The following PPP2R2B variants were observed in gnomAD, a reference collection of about 807,000 sequenced individuals.
The protein encoded by PPP2R2B is protein phosphatase 2 regulatory subunit Bbeta.
A neutral mutation model predicts 46.0 loss-of-function variants in PPP2R2B; 5 were observed. That is an observed-to-expected ratio of 0.11 (90% confidence interval 0.06 to 0.23). The LOEUF (loss-of-function observed/expected upper bound fraction) is 0.23, where lower values mean the gene tolerates loss of function less well. Ranked by LOEUF, PPP2R2B falls within the 10% of genes least tolerant of loss-of-function variation. PPP2R2B has a pLI of 1.00. For missense variants in PPP2R2B, 367 were observed against 575.0 expected (o/e 0.64, Z 3.70); for synonymous variants, 215 against 206.7 (o/e 1.04, Z -0.34).
At chr5:146,955,408 A>C (rs1751845994) in intron 1 of PPP2R2B, among the ~76,000 whole-genome samples, 1 of 152,206 alleles carries the variant, frequency 6.6e-6, no homozygotes, top group Admixed American at 6.5e-5. Context: ...TTTGAGTAGC[A>C]AGTAAATAGG....
intron 2 of PPP2R2B, among the ~76,000 whole-genome samples, chr5:146,714,505 A>G (rs1354032664): frequency 6.6e-6 from 1 of 152,170 alleles, no homozygotes; most frequent in Non-Finnish European, 1.5e-5. Flanking sequence ...TCCAACTGCC[A>G]GGAAAAAAAT....
intron 2 of PPP2R2B, among the ~76,000 whole-genome samples, chr5:146,873,833 C>G (rs1295586109): frequency 6.6e-6 from 1 of 152,162 alleles, no homozygotes; most frequent in African/African-American, 2.4e-5. Flanking sequence ...CCATCCCTCT[C>G]TCTTAGCATT....
At chr5:146,635,922 G>A (rs1455585843) in intron 7 of PPP2R2B, among the ~76,000 whole-genome samples, 4 of 152,164 alleles carry the variant, frequency 2.6e-5, no homozygotes, top group Admixed American at 2.0e-4. Flanking sequence ...TTCATATCAC[G>A]TCCATGTATG....
intron 2 of PPP2R2B, among the ~76,000 whole-genome samples, chr5:146,858,356 A>G (rs1760795868): frequency 6.6e-6 from 1 of 152,128 alleles, no homozygotes; most frequent in African/African-American, 2.4e-5. Flanking sequence ...AAAACAACCA[A>G]CTACTCACTG....
At chr5:146,911,088 C>CTT (rs1554075565) in intron 1 of PPP2R2B, among the ~76,000 whole-genome samples, 1 of 142,168 alleles carries the variant, frequency 7.0e-6, no homozygotes. Context: ...TAGACACTTT[C>CTT]TTTTTTTTTT....
chr5:146,664,089 C>T (rs908468919), intron 5 of PPP2R2B, among the ~76,000 whole-genome samples: 2 of 152,116 alleles, frequency 1.3e-5, no homozygotes, highest in Non-Finnish European at 2.9e-5. Flanking sequence ...ATCCACCCAC[C>T]TTGGACTCCC....
intron 2 of PPP2R2B, among the ~76,000 whole-genome samples, chr5:146,822,939 G>T (rs1275833750): frequency 6.6e-6 from 1 of 152,172 alleles, no homozygotes; most frequent in Admixed American, 6.5e-5. Flanking sequence ...GTAGGAAGAA[G>T]TGAGCAAATT....
intron 7 of PPP2R2B, among the ~76,000 whole-genome samples, chr5:146,624,506 A>G (rs1773909541): frequency 6.6e-6 from 1 of 152,134 alleles, no homozygotes; most frequent in Admixed American, 6.5e-5. Context: ...TCACCATCTT[A>G]GTCTAAGCCA....
At chr5:146,670,852 G>C (rs1002726146) in intron 5 of PPP2R2B, among the ~76,000 whole-genome samples, 1 of 151,872 alleles carries the variant, frequency 6.6e-6, no homozygotes, top group African/African-American at 2.4e-5. Flanking sequence ...ATTTTGATAG[G>C]GAACTTTACA....
intron 2 of PPP2R2B, among the ~76,000 whole-genome samples, chr5:146,746,173 C>T (rs558762750): frequency 6.6e-6 from 1 of 152,066 alleles, no homozygotes; most frequent in South Asian, 2.1e-4. Context: ...GGCTGGGGAC[C>T]CAGAGAACGG....
At chr5:146,993,299 G>C (rs376677970) in intron 1 of PPP2R2B, among the ~76,000 whole-genome samples, 4 of 151,420 alleles carry the variant, frequency 2.6e-5, no homozygotes, top group African/African-American at 9.7e-5. Context: ...CTAGAGTGCA[G>C]TGACACCATG....
In PPP2R2B at chr5:146,793,881, A is replaced by G. The variant is rs369679387; in HGVS notation, c.70+84121T>C. ...AAGGTAAGGGCTGAGGTATCTAAAC[A>G]CAGGGAGACCAGTTTGCTCAGTGGT... is the stretch of plus-strand genomic sequence containing the variant. On this transcript the variant is annotated intron_variant, in intron 2 of 9. Coordinates refer to ENST00000394411, the MANE Select transcript of PPP2R2B (RefSeq NM_181675.4). 1.6e-3 allele frequency among the ~76,000 whole-genome samples: 246 copies of G among 152,348 alleles called. 1 individual carries two copies. The highest frequency in any genetic ancestry group is 5.5e-3 in the African/African-American group (229 of 41,584).
intron 7 of PPP2R2B, among the ~76,000 whole-genome samples, chr5:146,637,675 A>C (rs1421836623): frequency 6.6e-6 from 1 of 152,242 alleles, no homozygotes; most frequent in Non-Finnish European, 1.5e-5. Flanking sequence ...TCATTATGAC[A>C]TGGCTCTGGC....
At chr5:146,823,361 C>T (rs1219584079) in intron 2 of PPP2R2B, among the ~76,000 whole-genome samples, 2 of 152,028 alleles carry the variant, frequency 1.3e-5, no homozygotes, top group African/African-American at 4.8e-5. Flanking sequence ...CAAGGCCCGC[C>T]TAATTTTTTT....
intron 1 of PPP2R2B, among the ~76,000 whole-genome samples, chr5:146,924,695 T>C (rs1199224209): frequency 6.6e-6 from 1 of 152,200 alleles, no homozygotes; most frequent in Non-Finnish European, 1.5e-5. Context: ...ACTTTTTGAA[T>C]AAGGGACCAT....
intron 6 of PPP2R2B, among the ~76,000 whole-genome samples, chr5:146,644,119 C>CA (rs1359638124): frequency 1.3e-4 from 20 of 149,070 alleles, no homozygotes; most frequent in African/African-American, 4.7e-4. Context: ...AGTAATTTAC[C>CA]AAAAAATAAC....
chr5:146,796,437 A>G (rs1300669353), intron 2 of PPP2R2B, among the ~76,000 whole-genome samples: 2 of 152,198 alleles, frequency 1.3e-5, no homozygotes, highest in African/African-American at 4.8e-5. Flanking sequence ...TGACTGCTCT[A>G]GTAGCTACAA....
At chr5:147,033,276 C>A (rs984371115) in intron 1 of PPP2R2B, among the ~76,000 whole-genome samples, 16 of 152,146 alleles carry the variant, frequency 1.1e-4, no homozygotes, top group Non-Finnish European at 2.2e-4. Flanking sequence ...ATGGCTTTAA[C>A]TACCATCTAT....
At chr5:146,921,093 T>C (rs1763589496) in intron 1 of PPP2R2B, among the ~76,000 whole-genome samples, 1 of 152,162 alleles carries the variant, frequency 6.6e-6, no homozygotes, top group Non-Finnish European at 1.5e-5. Flanking sequence ...TATTCTAGAG[T>C]GAATAACCTC....
Sources: gnomAD v4.1 joint callset for allele counts (sites outside exome capture counted in the v4.1 genomes callset) on GRCh38, gnomAD v4.1.1 for gene constraint, MANE v1.5 for transcripts, NCBI Gene and HGNC (gene_info 2026-07-23, HGNC 2026-07-21) for gene names.